Variants in DOCK9 observed in about 807,000 individuals in gnomAD.
The protein encoded by DOCK9 is dedicator of cytokinesis protein 9.
In DOCK9, 89 loss-of-function variants were observed where a neutral mutation model predicts 263.3. The observed-to-expected ratio is 0.34, with a 90% confidence interval of 0.28 to 0.40. DOCK9 has a LOEUF of 0.40. Ranked by LOEUF, DOCK9 falls within the 10% of genes least tolerant of loss-of-function variation. The probability of loss-of-function intolerance (pLI) is 1.00; values close to 1 mark genes in which losing one functional copy is unlikely to be tolerated. For missense variants in DOCK9, 2,140 were observed against 2,603.4 expected (o/e 0.82, Z 3.87); for synonymous variants, 976 against 973.1 (o/e 1.00, Z -0.06).
At chr13:99,081,790 C>T (rs1329161200) in intron 1 of DOCK9, among the ~76,000 whole-genome samples, 2 of 152,168 alleles carry the variant, frequency 1.3e-5, no homozygotes, top group African/African-American at 4.8e-5. Context: ...CTTCTGAGTT[C>T]GCGTACGTTT....
intron 20 of DOCK9, chr13:98,885,398 G>A: frequency 1.9e-6 from 1 of 524,582 alleles, no homozygotes; most frequent in East Asian, 4.2e-5. Flanking sequence ...GAGCTCACGA[G>A]TTCGAGACCA....
At chr13:98,823,573 A>C (rs2092391940) in intron 45 of DOCK9, among the ~76,000 whole-genome samples, 1 of 152,334 alleles carries the variant, frequency 6.6e-6, no homozygotes, top group Non-Finnish European at 1.5e-5. Context: ...AATTTCCTTA[A>C]AACATGGGCA....
chr13:99,054,483 G>C (rs1478531582), intron 1 of DOCK9, among the ~76,000 whole-genome samples: 7 of 152,192 alleles, frequency 4.6e-5, no homozygotes, highest in Admixed American at 4.6e-4. Flanking sequence ...GAATAGCTGA[G>C]AAAGCCACAC....
chr13:98,980,509 G>A (rs911570398), upstream of DOCK9, among the ~76,000 whole-genome samples: 7 of 152,218 alleles, frequency 4.6e-5, no homozygotes, highest in Admixed American at 2.0e-4. Context: ...TCACCAGTCA[G>A]CAATTAAAGA....
chr13:99,017,162 G>C (rs1220440210), intron 1 of DOCK9, among the ~76,000 whole-genome samples: 1 of 152,112 alleles, frequency 6.6e-6, no homozygotes, highest in Non-Finnish European at 1.5e-5. Context: ...ACTTCCAAAG[G>C]GTGATTCTGT....
In DOCK9 at chr13:98,837,506, T is replaced by C. The variant is rs377228261; in HGVS notation, c.4302A>G (p.Thr1434=). ...LTALDTLSLF[T]LAFKNQLLAD... ...AATTGATACAAACCTTAAACGCCAA[T>C]GTAAATAGAGAAAGCGTGTCCAGAG... is the stretch of plus-strand genomic sequence containing the variant. Residue 1434 remains threonine (T), a synonymous_variant, in exon 39 of 53, where the codon ACA becomes ACG. Coordinates refer to ENST00000682017, the MANE Select transcript of DOCK9 (RefSeq NM_001366683.2). 6.7e-5 allele frequency: 108 copies of C among 1,610,866 alleles called. No individual in the cohort carries two copies. In the Middle Eastern group the frequency reaches 2.5e-3, roughly 37 times the overall value.
chr13:98,894,046 T>C (rs557043963), intron 15 of DOCK9, among the ~76,000 whole-genome samples: 1 of 152,312 alleles, frequency 6.6e-6, no homozygotes, highest in African/African-American at 2.4e-5. Flanking sequence ...CCTGGGCTCC[T>C]TTCTGCCTGG....
chr13:98,802,590 G>A (rs1006625245), intron 49 of DOCK9, among the ~76,000 whole-genome samples: 2 of 152,204 alleles, frequency 1.3e-5, no homozygotes, highest in East Asian at 3.8e-4. Flanking sequence ...GAAAGAAGTG[G>A]AGGAGGCTTC....
rs532551195 is a variant in DOCK9, at chr13:98,898,208, C to T, written c.1557G>A (p.Gln519=). The T allele has an allele frequency of 1.9e-6, 3 of 1,612,052 alleles. No individual in the cohort carries two copies. The East Asian group carries it at 6.7e-5, about 36-fold the overall frequency. ...CTGCCCAAGCAAATGGCATTCTATA[C>T]TGTCCTAGTCTTTGGCATGCCTGCT... is the stretch of plus-strand genomic sequence containing the variant. ...NAKQACQRLG[Q]YRMPFAWAAR... The change falls in exon 14 of 53, where the codon CAG becomes CAA. Residue 519 remains glutamine (Q), a synonymous_variant. Transcript: ENST00000682017.
chr13:98,856,258 GA>G, intron 33 of DOCK9: 1 of 423,346 alleles, frequency 2.4e-6, no homozygotes, highest in East Asian at 3.7e-5. Context: ...TCACTTGTTA[GA>G]AACCACCTTT....
At chr13:99,028,250 T>C (rs1448936467) in intron 1 of DOCK9, among the ~76,000 whole-genome samples, 1 of 152,202 alleles carries the variant, frequency 6.6e-6, no homozygotes, top group Non-Finnish European at 1.5e-5. Flanking sequence ...GTGAGGAGGA[T>C]ACACTGCCAG....
intron 2 of DOCK9, among the ~76,000 whole-genome samples, chr13:98,935,888 C>G (rs1443001651): frequency 6.6e-6 from 1 of 152,220 alleles, no homozygotes; most frequent in East Asian, 1.9e-4. Context: ...ATACCACCAG[C>G]TGCTAAGGTC....
At position 98,916,090 on chromosome 13, in the gene DOCK9, A is replaced by C. The variant is rs144051185; in HGVS notation, c.718-587T>G. Among the ~76,000 whole-genome samples, 311 of 152,258 alleles carry C rather than the reference A, an allele frequency of 2.0e-3. 3 individuals are homozygous for C. Among genetic ancestry groups the C allele is most frequent in the African/African-American group, 7.1e-3 (295 of 41,532 alleles). On this transcript the variant is annotated intron_variant, in intron 7 of 52. Coordinates refer to ENST00000682017, the MANE Select transcript of DOCK9 (RefSeq NM_001366683.2). ...TCATGCCTCCAGTTTTCATGCCTGCAAGAGGGTGACTGGCTCACAGAACAA... is the reference window on the plus strand; with the variant it reads ...TCATGCCTCCAGTTTTCATGCCTGCCAGAGGGTGACTGGCTCACAGAACAA...
chr13:98,850,798 A>T (rs1267844410), intron 35 of DOCK9, among the ~76,000 whole-genome samples: 2 of 152,254 alleles, frequency 1.3e-5, no homozygotes, highest in East Asian at 3.8e-4. Context: ...TGGTATGTGC[A>T]TTTAAACCTC....
chr13:98,882,902 T>C, intron 23 of DOCK9, 140 bp downstream of exon 23: 1 of 675,590 alleles, frequency 1.5e-6, no homozygotes, highest in Non-Finnish European at 2.5e-6. Flanking sequence ...CTTACCACTA[T>C]CTAAACCTCA....
chr13:98,932,110 C>A (rs1595435080), intron 2 of DOCK9, among the ~76,000 whole-genome samples: 1 of 151,850 alleles, frequency 6.6e-6, no homozygotes, highest in African/African-American at 2.4e-5. Flanking sequence ...AGATCATAGT[C>A]GACTGGGCGC....
chr13:99,008,526 G>T (rs1470670915), intron 1 of DOCK9, among the ~76,000 whole-genome samples: 1 of 152,006 alleles, frequency 6.6e-6, no homozygotes, highest in Non-Finnish European at 1.5e-5. Context: ...GAGCCACCGC[G>T]CCCGGCCCAT....
intron 39 of DOCK9, chr13:98,832,048 A>G (rs2092786036): frequency 1.8e-5 from 7 of 393,930 alleles, no homozygotes; most frequent in Non-Finnish European, 3.2e-5. Flanking sequence ...CTGGGCTTCT[A>G]TTTATTAATA....
intron 2 of DOCK9, among the ~76,000 whole-genome samples, chr13:98,935,751 G>C (rs2054710923): frequency 6.6e-6 from 1 of 152,176 alleles, no homozygotes; most frequent in African/African-American, 2.4e-5. Context: ...CTGGGTGACA[G>C]AATGAGAGCC....
Sources: gnomAD v4.1 joint callset for allele counts (sites outside exome capture counted in the v4.1 genomes callset) on GRCh38, gnomAD v4.1.1 for gene constraint, MANE v1.5 for transcripts, NCBI Gene and HGNC (gene_info 2026-07-23, HGNC 2026-07-21) for gene names.